ASTL: variants seen among roughly 807,000 people sequenced by gnomAD.
ASTL encodes astacin like metalloendopeptidase, also known as astacin-like metalloendopeptidase.
A neutral mutation model predicts 36.7 loss-of-function variants in ASTL; 27 were observed. The ratio of observed to expected loss-of-function variants is 0.73; its 90% CI spans 0.54 to 1.01. The LOEUF is 1.01. ASTL is among the 50% of genes least tolerant of loss of function. The pLI, the probability that ASTL is intolerant of heterozygous loss-of-function variation, is 0.00. For synonymous variants in ASTL, 222 were observed against 228.1 expected (o/e 0.97, Z 0.24); for missense variants, 524 against 572.8 (o/e 0.91, Z 0.87).
At chr2:96,126,538 G>A (rs1054742328) in intron 8 of ASTL, among the ~76,000 whole-genome samples, 4 of 152,146 alleles carry the variant, frequency 2.6e-5, no homozygotes, top group African/African-American at 7.2e-5. Context: ...CTCGTATACC[G>A]CTGGTGGGAA....
chr2:96,138,245 AT>A (rs1218217974), intron 1 of ASTL, 136 bp downstream of exon 1: 1 of 820,408 alleles, frequency 1.2e-6, no homozygotes, highest in Non-Finnish European at 1.9e-6. Context: ...GACTTCTAGA[AT>A]AACCCTGGAG....
rs1682022012 is a variant in ASTL, at chr2:96,124,280, G to A, written c.875-9C>T. The A allele has an allele frequency of 1.3e-6, 2 of 1,502,510 alleles. No homozygotes were observed. The highest frequency in any genetic ancestry group is 1.8e-6 in the Non-Finnish European group (2 of 1,127,234). The allele number at this position is 1,502,510 out of a possible 1,614,324, so 93.1% of individuals were successfully genotyped here. ...GCTGTGGGCATGGGACCCTGCAACA[G>A]AAAAGACAGGAGGTGGAACCTCAGA... On this transcript the variant is annotated splice_polypyrimidine_tract_variant and intron_variant, in intron 8 of 8. Coordinates refer to ENST00000342380, the MANE Select transcript of ASTL (RefSeq NM_001002036.4). The surrounding 1 kb of genome is among the most constrained non-coding windows in gnomAD (Gnocchi z 4.1).
At position 96,124,875 on chromosome 2, in the gene ASTL, C is replaced by G. The variant is rs1682034759; in HGVS notation, c.875-604G>C. Among the ~76,000 whole-genome samples, 1 of 152,184 alleles carries G rather than the reference C, an allele frequency of 6.6e-6. No individual in the cohort carries two copies. The highest frequency in any genetic ancestry group is 1.5e-5 in the Non-Finnish European group (1 of 68,028). On this transcript the variant is annotated intron_variant, in intron 8 of 8. Coordinates refer to ENST00000342380, the MANE Select transcript of ASTL (RefSeq NM_001002036.4). The surrounding 1 kb of genome is among the most constrained non-coding windows in gnomAD (Gnocchi z 4.1). ...CATGCAGCGAGGGCTTCACCAGGAGCCTCTTCCCTCAGCTGACCCTGACCA... is the reference window on the plus strand; with the variant it reads ...CATGCAGCGAGGGCTTCACCAGGAGGCTCTTCCCTCAGCTGACCCTGACCA...
intron 3 of ASTL, 67 bp from the exon 4 acceptor site, chr2:96,134,125 C>T: frequency 1.0e-5 from 11 of 1,081,768 alleles, no homozygotes; most frequent in Non-Finnish European, 1.6e-5. Flanking sequence ...CCCAAGGGTA[C>T]CACACCCCAG....
At position 96,133,503 on chromosome 2, in the gene ASTL, T is replaced by G; in HGVS notation, c.377A>C (p.Glu126Ala). 1 of 1,614,124 alleles carries G rather than the reference T, an allele frequency of 6.2e-7. No individual in the cohort carries two copies. Among genetic ancestry groups the G allele is most frequent in the South Asian group, 1.1e-5 (1 of 91,086 alleles). The change falls in exon 5 of 9, where the codon GAG becomes GCG. Residue 126 changes from glutamate to alanine, a missense_variant. Physicochemically the swap from Glu to Ala is moderately radical, Grantham distance 107. Coordinates refer to ENST00000342380, the MANE Select transcript of ASTL (RefSeq NM_001002036.4). ...SRQVILEALA[E>A]FERSTCIRFV... ...CCTGATGCACGTGGAACGTTCAAACTCCGCAAGAGCCTCCAGGATGACCTG... is the reference window on the plus strand; with the variant it reads ...CCTGATGCACGTGGAACGTTCAAACGCCGCAAGAGCCTCCAGGATGACCTG...
At position 96,137,633 on chromosome 2, in the gene ASTL, G is replaced by A. The variant is rs549700718; in HGVS notation, c.123C>T (p.Gly41=). 2.5e-6 allele frequency: 4 copies of A among 1,613,910 alleles called. No individual in the cohort carries two copies. In the African/African-American group the frequency reaches 4.0e-5, roughly 16 times the overall value. Residue 41 remains glycine (G), a synonymous_variant, in exon 2 of 9, where the codon GGC becomes GGT. Coordinates refer to ENST00000342380, the MANE Select transcript of ASTL (RefSeq NM_001002036.4). The part of the protein sequence containing the change: ...AGACGTSFPD[G]LTPEGTQASG... ...AGGCCTGGGTTCCCTCAGGGGTGAGGCCATCTGGGAAGCTGGTACCACAGG... is the reference window on the plus strand; with the variant it reads ...AGGCCTGGGTTCCCTCAGGGGTGAGACCATCTGGGAAGCTGGTACCACAGG...
At chr2:96,135,801 C>T (rs2104777289) in intron 2 of ASTL, among the ~76,000 whole-genome samples, 1 of 152,304 alleles carries the variant, frequency 6.6e-6, no homozygotes, top group Non-Finnish European at 1.5e-5. Context: ...GGCTTCTCGG[C>T]TGGACTGCAG....
In ASTL at chr2:96,127,599, A is replaced by G. The variant is rs566732935; in HGVS notation, c.874+2225T>C. On this transcript the variant is annotated intron_variant, in intron 8 of 8. Transcript: ENST00000342380. The stretch of plus-strand genomic sequence containing the variant: ...TATTTGATTTTTTTCTTTGCGACAG[A>G]GTCTGGCTCTGTTACCCAGACTGGA... Among the ~76,000 whole-genome samples, 106 of 152,196 alleles carry G rather than the reference A, an allele frequency of 7.0e-4. 1 individual carries two copies. Among genetic ancestry groups the G allele is most frequent in the Non-Finnish European group, 1.0e-3 (69 of 68,016 alleles).
rs1489149384 is a variant in ASTL, at chr2:96,135,384, G to A, written c.210C>T (p.Ser70=). ...QGLILEETPE[S]SFLIEGDIIR... is the part of the protein sequence containing the mutation. Reference sequence around the variant, plus strand: ...TGATGTCCCCCTCGATGAGGAAGCTGCTCTCTGGGGTTTCTTCCAGGATGA... The same window carrying A: ...TGATGTCCCCCTCGATGAGGAAGCTACTCTCTGGGGTTTCTTCCAGGATGA... Residue 70 remains serine, a synonymous_variant, in exon 3 of 9, where the codon AGC becomes AGT. Coordinates refer to ENST00000342380, the MANE Select transcript of ASTL (RefSeq NM_001002036.4). 4 of 1,614,164 alleles carry A rather than the reference G, an allele frequency of 2.5e-6. No homozygotes were observed. Among genetic ancestry groups the A allele is most frequent in the East Asian group, 4.5e-5 (2 of 44,880 alleles).
At chr2:96,125,015 T>C (rs1682036941) in intron 8 of ASTL, among the ~76,000 whole-genome samples, 3 of 152,154 alleles carry the variant, frequency 2.0e-5, no homozygotes. Context: ...CTGCAGCCTG[T>C]TCCTGGGGGC....
At position 96,123,803 on chromosome 2, in the gene ASTL, C is replaced by T; in HGVS notation, c.*47G>A. ...AGCCAAGAGGTAGACGACCCAGCTC[C>T]ACTGGGCAGAGGATGCCCTCCCTAC... On this transcript the variant is annotated 3_prime_UTR_variant, in exon 9 of 9. Transcript: ENST00000342380. 2 of 1,534,476 alleles carry T rather than the reference C, an allele frequency of 1.3e-6. No individual in the cohort carries two copies. Among genetic ancestry groups the T allele is most frequent in the Non-Finnish European group, 1.8e-6 (2 of 1,121,160 alleles).
chr2:96,124,316 G>A lies in ASTL; in HGVS notation c.875-45C>T, dbSNP rs749941832. 1.4e-6 allele frequency: 2 copies of A among 1,466,088 alleles called. No individual in the cohort carries two copies. Among genetic ancestry groups the A allele is most frequent in the Non-Finnish European group, 9.0e-7 (1 of 1,107,516 alleles). 90.8% of individuals were successfully genotyped at this position (1,466,088 alleles called of 1,614,324 possible). The stretch of plus-strand genomic sequence containing the variant: ...AGGTGGAACCTCAGAACTGTAGGAT[G>A]ACATGTGGCCCAGCTGTGCGGACCC... On this transcript the variant is annotated intron_variant, in intron 8 of 8. Transcript: ENST00000342380. The surrounding 1 kb of genome is among the most constrained non-coding windows in gnomAD (Gnocchi z 4.1).
At chr2:96,133,893 G>A (rs1682238869) in intron 4 of ASTL, 72 bp downstream of exon 4, 1 of 1,010,686 alleles carries the variant, frequency 9.9e-7, no homozygotes, top group South Asian at 1.3e-5. Context: ...AGAGGAAAAG[G>A]GAAGAGAGGA....
intron 8 of ASTL, among the ~76,000 whole-genome samples, chr2:96,126,964 T>C (rs1461500957): frequency 6.6e-6 from 1 of 152,174 alleles, no homozygotes; most frequent in Non-Finnish European, 1.5e-5. Flanking sequence ...CAAAATCTTG[T>C]ACATAAATGA....
intron 8 of ASTL, among the ~76,000 whole-genome samples, chr2:96,129,307 G>A (rs956858508): frequency 3.3e-5 from 5 of 152,198 alleles, no homozygotes; most frequent in Middle Eastern, 3.4e-3. Context: ...TTCTAACTGG[G>A]TGTACAGAAA....
In ASTL at chr2:96,124,378, T is replaced by G. The variant is rs1246214877; in HGVS notation, c.875-107A>C. 8.7e-6 allele frequency: 9 copies of G among 1,035,310 alleles called. No individual in the cohort carries two copies. Among genetic ancestry groups the G allele is most frequent in the Non-Finnish European group, 1.2e-5 (9 of 757,026 alleles). 64.1% of individuals were successfully genotyped at this position (1,035,310 alleles called of 1,614,324 possible). A position where few individuals can be genotyped will look rare whatever the true frequency, so the allele number is the denominator to read the frequency against. On this transcript the variant is annotated intron_variant, in intron 8 of 8. Transcript: ENST00000342380. The surrounding 1 kb of genome is among the most constrained non-coding windows in gnomAD (Gnocchi z 4.1). ...AGCTCACAGGAGTGGTGCCCACCCA[T>G]GCCACGGCCTAGTGCATCCAAGACC... is the stretch of plus-strand genomic sequence containing the variant.
In ASTL at chr2:96,124,148, T is replaced by G; in HGVS notation, c.998A>C (p.Gln333Pro). 1 of 1,568,668 alleles carries G rather than the reference T, an allele frequency of 6.4e-7. No homozygotes were observed. The highest frequency in any genetic ancestry group is 8.6e-7 in the Non-Finnish European group (1 of 1,156,754). The part of the protein sequence containing the change: ...PDPSGSSAGG[Q>P]PVPAGPGESP... Reference sequence around the variant, plus strand: ...CTCCCCAGGCCCTGCAGGAACGGGCTGGCCTCCCGCACTGGAACCACTGGG... The same window carrying G: ...CTCCCCAGGCCCTGCAGGAACGGGCGGGCCTCCCGCACTGGAACCACTGGG... Residue 333 changes from glutamine to proline, a missense_variant, in exon 9 of 9, where the codon CAG becomes CCG. Coordinates refer to ENST00000342380, the MANE Select transcript of ASTL (RefSeq NM_001002036.4). This position sits in a 1 kb window ranked among gnomAD's most constrained non-coding sequence, Gnocchi z 4.1.
In ASTL at chr2:96,137,719, G is replaced by T. The variant is rs774486092; in HGVS notation, c.56-19C>A. 3 of 1,600,674 alleles carry T rather than the reference G, an allele frequency of 1.9e-6. No individual in the cohort carries two copies. The South Asian group carries it at 3.3e-5, about 18-fold the overall frequency. ...ATCACACCTGGTCCAGACAGACAGG[G>T]GCATACACAGATGCCTGGAGCACCC... On this transcript the variant is annotated intron_variant, in intron 1 of 8. Coordinates refer to ENST00000342380, the MANE Select transcript of ASTL (RefSeq NM_001002036.4).
chr2:96,134,135 G>T, intron 3 of ASTL, 77 bp from the exon 4 acceptor site: 6 of 943,290 alleles, frequency 6.4e-6, no homozygotes, highest in South Asian at 5.4e-5. Flanking sequence ...CCACACCCCA[G>T]GGCACCAGAA....
Sources: gnomAD v4.1 joint callset for allele counts (sites outside exome capture counted in the v4.1 genomes callset) on GRCh38, gnomAD v4.1.1 for gene constraint, Gnocchi (gnomAD v3.1) non-coding constraint, MANE v1.5 for transcripts, NCBI Gene and HGNC (gene_info 2026-07-23, HGNC 2026-07-21) for gene names.